BTBD2: variants seen among roughly 807,000 people sequenced by gnomAD.
BTBD2 encodes BTB/POZ domain-containing protein 2.
In BTBD2, 15 loss-of-function variants were observed where a neutral mutation model predicts 44.0. That is an observed-to-expected ratio of 0.34 (90% CI 0.23 to 0.53). BTBD2 has a LOEUF of 0.53. Ranked by LOEUF, BTBD2 falls within the 20% of genes least tolerant of loss-of-function variation. The pLI is 0.95. For synonymous variants in BTBD2, 443 were observed against 335.9 expected (o/e 1.32, Z -3.49); for missense variants, 657 against 746.4 (o/e 0.88, Z 1.39).
chr19:1,998,578 G>T (rs906838123), intron 1 of BTBD2, among the ~76,000 whole-genome samples: 4 of 152,216 alleles, frequency 2.6e-5, no homozygotes, highest in Non-Finnish European at 2.9e-5. Flanking sequence ...GCAGGAGGGT[G>T]CGGTGAGCAG....
At chr19:1,987,820 C>G (rs908982671) in intron 5 of BTBD2, 128 bp from the exon 6 acceptor site, 2 of 975,560 alleles carry the variant, frequency 2.1e-6, no homozygotes, top group Non-Finnish European at 2.9e-6. Context: ...CTGGGCAGCC[C>G]CTCCCCGGGG....
chr19:2,011,045 T>G (rs1028268374), intron 1 of BTBD2, among the ~76,000 whole-genome samples: 1 of 152,098 alleles, frequency 6.6e-6, no homozygotes, highest in Non-Finnish European at 1.5e-5. Flanking sequence ...GTGACCTTGT[T>G]TCAATCATGG....
At position 1,995,276 on chromosome 19, in the gene BTBD2, ATTCTTTTTT is replaced by A. The variant is rs1157581018; in HGVS notation, c.527+2059_527+2067del. On this transcript the variant is annotated intron_variant, in intron 2 of 8. Coordinates refer to ENST00000255608, the MANE Select transcript of BTBD2 (RefSeq NM_017797.4). Reference sequence around the variant, plus strand: ...GCCACCGCGCCTAGCCATACTTTGGATTCTTTTTTTTTTTTTTTTTTTTGAGAGGGAGTC... The same window carrying A: ...GCCACCGCGCCTAGCCATACTTTGGATTTTTTTTTTTTTTGAGAGGGAGTC... 6.1e-5 allele frequency among the ~76,000 whole-genome samples: 6 copies of A among 99,026 alleles called. No individual in the cohort carries two copies. The East Asian group carries it at 1.2e-3, about 20-fold the overall frequency. 65.0% of individuals were successfully genotyped at this position (99,026 alleles called of 152,430 possible).
In BTBD2 at chr19:1,986,357, G is replaced by C. The variant is rs1359066446; in HGVS notation, c.*131C>G. Reference sequence around the variant, plus strand: ...ACCCCGTCCTGATGCTGAGAAAGGTGGCATGGAGTGGACAGACGGCCTGGG... The same window carrying C: ...ACCCCGTCCTGATGCTGAGAAAGGTCGCATGGAGTGGACAGACGGCCTGGG... On this transcript the variant is annotated 3_prime_UTR_variant, in exon 9 of 9. Coordinates refer to ENST00000255608, the MANE Select transcript of BTBD2 (RefSeq NM_017797.4). The C allele has an allele frequency of 8.9e-7, 1 of 1,125,916 alleles. No homozygotes were observed. The highest frequency in any genetic ancestry group is 1.9e-5 in the Admixed American group (1 of 51,428). 69.7% of individuals were successfully genotyped at this position (1,125,916 alleles called of 1,614,324 possible).
intron 1 of BTBD2, among the ~76,000 whole-genome samples, chr19:2,004,575 G>A (rs1285588045): frequency 6.6e-6 from 1 of 151,674 alleles, no homozygotes; most frequent in Non-Finnish European, 1.5e-5. Context: ...GGGATTACAG[G>A]CGTGAGCCAC....
chr19:2,008,362 C>T (rs1430987447), intron 1 of BTBD2, among the ~76,000 whole-genome samples: 2 of 149,312 alleles, frequency 1.3e-5, no homozygotes, highest in South Asian at 2.1e-4. Context: ...CCCAGTCGTG[C>T]GATCTCAGAT....
chr19:1,987,365 C>G (rs2016103348), intron 6 of BTBD2, 112 bp from the exon 7 acceptor site: 1 of 1,423,470 alleles, frequency 7.0e-7, no homozygotes, highest in African/African-American at 1.4e-5. Flanking sequence ...AGTCCTCCAC[C>G]CCCATGCCCG....
chr19:1,993,365 G>A (rs1206785723), intron 2 of BTBD2, among the ~76,000 whole-genome samples, 189 bp from the exon 3 acceptor site: 1 of 152,304 alleles, frequency 6.6e-6, no homozygotes, highest in East Asian at 1.9e-4. Context: ...CTGACATAGG[G>A]ACACGACTTG....
At chr19:1,988,405 C>T (rs550375572) in intron 5 of BTBD2, 1 of 152,466 alleles carries the variant, frequency 6.6e-6, no homozygotes, top group Admixed American at 6.5e-5. Flanking sequence ...CCCTGCCTGC[C>T]TGAGACCTAA....
intron 1 of BTBD2, among the ~76,000 whole-genome samples, chr19:1,997,970 T>TGCA (rs1568218283): frequency 6.6e-6 from 1 of 152,202 alleles, no homozygotes; most frequent in African/African-American, 2.4e-5. Flanking sequence ...CACTCATTCA[T>TGCA]TCATCCACAC....
intron 1 of BTBD2, among the ~76,000 whole-genome samples, chr19:2,007,180 G>A (rs774443638): frequency 6.6e-6 from 1 of 151,994 alleles, no homozygotes; most frequent in Non-Finnish European, 1.5e-5. Flanking sequence ...TAGTAGAGAC[G>A]GAGTATCACC....
At chr19:2,000,996 G>A (rs2016322753) in intron 1 of BTBD2, among the ~76,000 whole-genome samples, 1 of 152,204 alleles carries the variant, frequency 6.6e-6, no homozygotes, top group Non-Finnish European at 1.5e-5. Context: ...AGACAGAAAG[G>A]ATGGGGGACG....
intron 1 of BTBD2, among the ~76,000 whole-genome samples, chr19:2,000,561 G>A (rs756839872): frequency 2.6e-5 from 4 of 152,124 alleles, no homozygotes; most frequent in African/African-American, 7.2e-5. Context: ...CTCCAACACC[G>A]AGCCCCTCCC....
intron 1 of BTBD2, chr19:2,003,165 G>A (rs537326778): frequency 1.3e-5 from 2 of 151,994 alleles, no homozygotes; most frequent in African/African-American, 4.8e-5. Flanking sequence ...ACTTTTCTAC[G>A]AAAAGTTTAA....
intron 2 of BTBD2, among the ~76,000 whole-genome samples, chr19:1,996,058 ACT>A (rs2016247554): frequency 6.6e-6 from 1 of 150,766 alleles, no homozygotes; most frequent in Admixed American, 6.7e-5. Context: ...TATTTGTTAA[ACT>A]CTCTTTTCTG....
chr19:1,992,924 C>T, intron 3 of BTBD2, 96 bp downstream of exon 3: 4 of 1,042,934 alleles, frequency 3.8e-6, no homozygotes, highest in Non-Finnish European at 5.0e-6. Context: ...GGCCCGCCCC[C>T]GGCCCCGCCT....
intron 5 of BTBD2, 137 bp downstream of exon 5, chr19:1,989,867 G>C: frequency 9.8e-7 from 1 of 1,021,688 alleles, no homozygotes. Context: ...TCACAAGCCA[G>C]GTTTCTTCCT....
intron 1 of BTBD2, among the ~76,000 whole-genome samples, chr19:2,010,030 T>C (rs1475108902): frequency 3.3e-5 from 5 of 152,018 alleles, no homozygotes; most frequent in Admixed American, 3.3e-4. Flanking sequence ...CGGGTGCCTG[T>C]AGTCCCAGCT....
rs761598563 is a variant in BTBD2, at chr19:1,986,629, G to A, written c.1437C>T (p.Gly479=). 3.1e-6 allele frequency: 5 copies of A among 1,613,754 alleles called. No homozygotes were observed. Among genetic ancestry groups the A allele is most frequent in the Non-Finnish European group, 4.2e-6 (5 of 1,179,878 alleles). ...GTGTCACCTTGCGCAGGCCTTTGGT[G>A]CCGTAGTGGGAGTCTGGGCCCTGTA... ...ATLKGPDSHY[G]TKGLRKVTHE... is the part of the protein sequence containing the mutation. Residue 479 remains glycine (G), a synonymous_variant, in exon 9 of 9, where the codon GGC becomes GGT. Coordinates refer to ENST00000255608, the MANE Select transcript of BTBD2 (RefSeq NM_017797.4).
Sources: allele counts gnomAD v4.1 joint callset (sites outside exome capture counted in the v4.1 genomes callset), GRCh38; gene constraint gnomAD v4.1.1; transcripts MANE v1.5; gene names NCBI Gene and HGNC (gene_info 2026-07-23, HGNC 2026-07-21).